DMD: variants seen among roughly 807,000 people sequenced by gnomAD.
DMD encodes the protein dystrophin.
A neutral mutation model predicts 330.1 loss-of-function variants in DMD; 63 were observed. The observed-to-expected ratio is 0.19, with a 90% confidence interval of 0.16 to 0.24. The LOEUF (loss-of-function observed/expected upper bound fraction) is 0.24, where lower values mean the gene tolerates loss of function less well. Ranked by LOEUF, DMD falls within the 10% of genes least tolerant of loss-of-function variation. The probability of loss-of-function intolerance (pLI) is 1.00; values close to 1 mark genes in which losing one functional copy is unlikely to be tolerated. For missense variants in DMD, 3,344 were observed against 2,684.1 expected (o/e 1.25, Z -5.43); for synonymous variants, 1,223 against 959.8 (o/e 1.27, Z -5.07).
chrX:32,476,086 G>A (rs936349673), intron 21 of DMD, among the ~76,000 whole-genome samples: 2 of 111,408 alleles, frequency 1.8e-5, no homozygotes, highest in East Asian at 5.7e-4. Context: ...TCTAGAAGGA[G>A]AGGGGACTAT....
chrX:33,285,821 G>T (rs1243560591), intron 1 of DMD, among the ~76,000 whole-genome samples: 1 of 112,253 alleles, frequency 8.9e-6, no homozygotes, highest in Non-Finnish European at 1.9e-5. Flanking sequence ...GATGGCCTAT[G>T]GCCCCATCAT....
chrX:32,932,828 G>T (rs894681216), intron 2 of DMD, among the ~76,000 whole-genome samples: 6 of 111,896 alleles, frequency 5.4e-5, no homozygotes, highest in Admixed American at 2.8e-4. Context: ...TTCTTTTTAC[G>T]TGCAAAACTT....
chrX:31,843,502 C>T (rs903281691), intron 48 of DMD, among the ~76,000 whole-genome samples: 3 of 111,786 alleles, frequency 2.7e-5, no homozygotes, highest in Non-Finnish European at 5.6e-5. Context: ...GTTAGCCACC[C>T]GTTTGTCTTC....
intron 45 of DMD, among the ~76,000 whole-genome samples, chrX:31,954,365 C>T (rs759341780): frequency 6.3e-5 from 7 of 111,481 alleles, no homozygotes; most frequent in Non-Finnish European, 1.3e-4. Flanking sequence ...CTCCAGAAAC[C>T]GTATCCACAT....
chrX:32,941,458 T>C (rs1416442264), intron 2 of DMD, among the ~76,000 whole-genome samples: 1 of 111,855 alleles, frequency 8.9e-6, no homozygotes, highest in Non-Finnish European at 1.9e-5. Context: ...CATGGAATAC[T>C]ATGCAGCCAT....
chrX:33,009,030 A>T (rs1158132228), intron 2 of DMD, among the ~76,000 whole-genome samples: 1 of 96,665 alleles, frequency 1.0e-5, no homozygotes, highest in Admixed American at 1.1e-4. Flanking sequence ...ATATATACAC[A>T]TGTGTGTATA....
intron 41 of DMD, among the ~76,000 whole-genome samples, chrX:32,330,337 G>T (rs1403423195): frequency 1.8e-5 from 2 of 112,018 alleles, no homozygotes; most frequent in Non-Finnish European, 3.8e-5. Context: ...AATCAAAGTG[G>T]AAAACAATAT....
intron 50 of DMD, among the ~76,000 whole-genome samples, chrX:31,799,356 G>A (rs1464859010): frequency 1.8e-5 from 2 of 111,639 alleles, no homozygotes; most frequent in African/African-American, 3.3e-5. Context: ...CATGGCAGAA[G>A]GCACCTCTTC....
rs187548117 is a variant in DMD at position 31,222,777 on chromosome X, G to A, written c.9361+270C>T. On this transcript the variant is annotated intron_variant, in intron 64 of 78. Transcript: ENST00000357033. The stretch of plus-strand genomic sequence containing the variant: ...TTTCACAAAGGTAATTATGGATGCC[G>A]ATGCCAATGCCAGTAGTTGGAAAAT... Among the ~76,000 whole-genome samples, 6 of 112,079 alleles carry A rather than the reference G, an allele frequency of 5.4e-5. No individual in the cohort carries two copies. The East Asian group carries it at 1.7e-3, about 31-fold the overall frequency.
intron 44 of DMD, among the ~76,000 whole-genome samples, chrX:32,021,982 C>T (rs1624339): frequency 0.32 from 34,948 of 110,844 alleles, 5,432 homozygotes; most frequent in African/African-American, 0.61. Context: ...GAGTAGTTTT[C>T]CTTTCTAAAT....
chrX:32,560,011 G>A (rs911164352), intron 16 of DMD, among the ~76,000 whole-genome samples: 2 of 110,537 alleles, frequency 1.8e-5, no homozygotes, highest in South Asian at 7.7e-4. Context: ...TCTTAAAGAG[G>A]TGCTCACAGT....
intron 1 of DMD, 132 bp from the exon 2 acceptor site, chrX:33,020,332 G>A: frequency 2.1e-6 from 1 of 475,958 alleles, no homozygotes; most frequent in Non-Finnish European, 3.6e-6. Flanking sequence ...ATTGATAAAT[G>A]GAATTAAACA....
chrX:32,872,516 C>G (rs1431899915), intron 2 of DMD, among the ~76,000 whole-genome samples: 1 of 112,168 alleles, frequency 8.9e-6, no homozygotes, highest in Non-Finnish European at 1.9e-5. Context: ...CTTACTGTCT[C>G]AAGAAGATGA....
intron 44 of DMD, among the ~76,000 whole-genome samples, chrX:32,142,737 T>A (rs1171199894): frequency 2.7e-5 from 3 of 112,361 alleles, no homozygotes; most frequent in African/African-American, 9.7e-5. Flanking sequence ...CATGGATACA[T>A]TAAAGTAAAA....
At chrX:32,707,308 C>A (rs1394749778) in intron 7 of DMD, among the ~76,000 whole-genome samples, 1 of 111,758 alleles carries the variant, frequency 8.9e-6, no homozygotes, top group East Asian at 2.8e-4. Flanking sequence ...TACCACTTGC[C>A]ACTGTATCCC....
chrX:33,093,212 C>T (rs2095109806), intron 1 of DMD, among the ~76,000 whole-genome samples: 2 of 112,216 alleles, frequency 1.8e-5, no homozygotes, highest in African/African-American at 6.5e-5. Context: ...CCTGGCCTTT[C>T]TGTTCCTTCC....
At chrX:32,607,245 T>TAC (rs1337101545) in intron 12 of DMD, among the ~76,000 whole-genome samples, 87 of 110,477 alleles carry the variant, frequency 7.9e-4, no homozygotes, top group African/African-American at 2.5e-3. Flanking sequence ...AAATGCTTAT[T>TAC]TTCTTTCATT....
chrX:31,881,396 C>CAAAAAAAAAA (rs34731646), intron 47 of DMD, among the ~76,000 whole-genome samples: 3 of 81,017 alleles, frequency 3.7e-5, no homozygotes, highest in Non-Finnish European at 4.8e-5. Flanking sequence ...ACTAAAAATA[C>CAAAAAAAAAA]AAAAAAAAAA....
chrX:32,185,450 A>G (rs1365790283), intron 44 of DMD, among the ~76,000 whole-genome samples: 1 of 111,696 alleles, frequency 9.0e-6, no homozygotes, highest in African/African-American at 3.2e-5. Context: ...CGCCCCCAGG[A>G]ATATGGATTT....
Sources: allele counts gnomAD v4.1 joint callset (sites outside exome capture counted in the v4.1 genomes callset), GRCh38; gene constraint gnomAD v4.1.1; transcripts MANE v1.5; gene names NCBI Gene and HGNC (gene_info 2026-07-23, HGNC 2026-07-21).